The following CNTNAP2 variants were observed in gnomAD, a reference collection of about 807,000 sequenced individuals.
The protein encoded by CNTNAP2 is contactin-associated protein-like 2.
In CNTNAP2, 98 loss-of-function variants were observed where a neutral mutation model predicts 155.2. The ratio of observed to expected loss-of-function variants is 0.63; its 90% CI spans 0.54 to 0.75. The LOEUF is 0.75. Ranked by LOEUF, CNTNAP2 falls within the 30% of genes least tolerant of loss-of-function variation. The pLI is 0.00. For synonymous variants in CNTNAP2, 651 were observed against 631.2 expected, an observed-to-expected ratio of 1.03 and a Z score of -0.47; for missense variants, 1,727 against 1,688.1, an observed-to-expected ratio of 1.02 and a Z score of -0.40.
chr7:147,571,277 C>A (rs1226139560), intron 12 of CNTNAP2, among the ~76,000 whole-genome samples: 1 of 113,152 alleles, frequency 8.8e-6, no homozygotes, highest in African/African-American at 3.4e-5. Flanking sequence ...CCCCTCCCCC[C>A]ACCCCACAAC....
intron 12 of CNTNAP2, among the ~76,000 whole-genome samples, chr7:147,600,768 C>T (rs910743784): frequency 3.3e-5 from 5 of 151,876 alleles, no homozygotes; most frequent in Non-Finnish European, 7.4e-5. Context: ...CTTTCCTTTT[C>T]TTCCTTCCCC....
intron 18 of CNTNAP2, among the ~76,000 whole-genome samples, chr7:148,198,460 G>A (rs529043440): frequency 5.4e-4 from 82 of 152,272 alleles, no homozygotes; most frequent in Non-Finnish European, 8.2e-4. Context: ...GCTTCATGGG[G>A]ATTTTTCCTA....
intron 21 of CNTNAP2, among the ~76,000 whole-genome samples, chr7:148,371,170 C>T (rs1161318068): frequency 2.6e-5 from 4 of 152,032 alleles, no homozygotes; most frequent in African/African-American, 9.7e-5. Flanking sequence ...AACAAAAATA[C>T]CAGAGTCCTG....
chr7:146,661,997 T>C (rs562801114), intron 1 of CNTNAP2, among the ~76,000 whole-genome samples: 18 of 152,202 alleles, frequency 1.2e-4, no homozygotes, highest in Non-Finnish European at 2.5e-4. Flanking sequence ...GCCATTTTCA[T>C]AGGTGTAGTG....
intron 15 of CNTNAP2, among the ~76,000 whole-genome samples, chr7:148,114,559 G>A (rs151209687): frequency 1.8e-4 from 28 of 152,204 alleles, no homozygotes; most frequent in East Asian, 1.2e-3. Context: ...ATCCAGAAGC[G>A]CTATCAGCAC....
intron 10 of CNTNAP2, among the ~76,000 whole-genome samples, chr7:147,477,923 A>C (rs1471037541): frequency 6.6e-6 from 1 of 152,204 alleles, no homozygotes; most frequent in African/African-American, 2.4e-5. Flanking sequence ...GTAATAATTA[A>C]TACATTTTGC....
intron 1 of CNTNAP2, among the ~76,000 whole-genome samples, chr7:146,623,919 T>A (rs1186872340): frequency 6.6e-6 from 1 of 152,304 alleles, no homozygotes; most frequent in Non-Finnish European, 1.5e-5. Flanking sequence ...TCACTGAGAA[T>A]AATATTCTTA....
At chr7:147,462,865 G>A (rs1276260233) in intron 10 of CNTNAP2, among the ~76,000 whole-genome samples, 1 of 152,128 alleles carries the variant, frequency 6.6e-6, no homozygotes, top group African/African-American at 2.4e-5. Flanking sequence ...TGCAAGCTCC[G>A]CCTCCCGGGT....
chr7:146,706,594 G>T (rs749477589), intron 1 of CNTNAP2, among the ~76,000 whole-genome samples: 3 of 152,090 alleles, frequency 2.0e-5, no homozygotes, highest in Non-Finnish European at 4.4e-5. Context: ...CCATAAAAAA[G>T]GATGAGATTA....
intron 16 of CNTNAP2, among the ~76,000 whole-genome samples, chr7:148,129,349 A>G (rs1804778427): frequency 6.6e-6 from 1 of 152,210 alleles, no homozygotes; most frequent in South Asian, 2.1e-4. Flanking sequence ...CGATGCTCGA[A>G]AATAACCTAA....
At chr7:146,371,815 T>C (rs1189519475) in intron 1 of CNTNAP2, among the ~76,000 whole-genome samples, 2 of 151,904 alleles carry the variant, frequency 1.3e-5, no homozygotes, top group Non-Finnish European at 2.9e-5. Context: ...AAAAATTAGC[T>C]GTGCATAGTG....
intron 13 of CNTNAP2, among the ~76,000 whole-genome samples, chr7:147,769,911 G>A (rs1269224205): frequency 6.6e-6 from 1 of 152,136 alleles, no homozygotes; most frequent in East Asian, 1.9e-4. Flanking sequence ...GATTAAATAA[G>A]CTAGTACACG....
chr7:147,591,406 G>C (rs1225119234), intron 12 of CNTNAP2, among the ~76,000 whole-genome samples: 1 of 152,030 alleles, frequency 6.6e-6, no homozygotes, highest in African/African-American at 2.4e-5. Context: ...TTAGATGAAG[G>C]CTCACCTTCC....
intron 1 of CNTNAP2, among the ~76,000 whole-genome samples, chr7:146,175,230 C>T (rs901213275): frequency 2.0e-5 from 3 of 151,892 alleles, no homozygotes; most frequent in East Asian, 3.9e-4. Context: ...TAATTTGAAT[C>T]GATAAGGAGG....
intron 1 of CNTNAP2, among the ~76,000 whole-genome samples, chr7:146,305,960 T>C (rs1170372161): frequency 6.6e-6 from 1 of 152,052 alleles, no homozygotes. Flanking sequence ...ATCCAGGAGC[T>C]GGTTTTTTGA....
chr7:147,383,388 A>G lies in CNTNAP2; in HGVS notation c.1499-12221A>G, dbSNP rs138869021. Among the ~76,000 whole-genome samples, 105 of 152,330 alleles carry G rather than the reference A, an allele frequency of 6.9e-4. 1 individual carries two copies. In the East Asian group the frequency reaches 0.018, roughly 26 times the overall value. ...ACCTTGTATCTTGATCTTCTCTCTG[A>G]TATCATATGGATTGTTTTAGATAAG... On this transcript the variant is annotated intron_variant, in intron 9 of 23. Transcript: ENST00000361727.
chr7:146,958,054 T>C (rs1358096043), intron 3 of CNTNAP2, among the ~76,000 whole-genome samples: 1 of 152,128 alleles, frequency 6.6e-6, no homozygotes, highest in African/African-American at 2.4e-5. Context: ...ATTCTTGAAA[T>C]TGTCTATTCA....
chr7:147,761,908 A>G (rs577689433), intron 13 of CNTNAP2, among the ~76,000 whole-genome samples: 1 of 152,246 alleles, frequency 6.6e-6, no homozygotes, highest in Non-Finnish European at 1.5e-5. Context: ...GGCTATGTTT[A>G]TGGGCTATGG....
intron 1 of CNTNAP2, among the ~76,000 whole-genome samples, chr7:146,470,899 G>T (rs1049900198): frequency 1.3e-5 from 2 of 151,882 alleles, no homozygotes; most frequent in African/African-American, 4.8e-5. Flanking sequence ...TGAATCCCAT[G>T]TATCTATTTT....
Sources: gnomAD v4.1 joint callset for allele counts (sites outside exome capture counted in the v4.1 genomes callset) on GRCh38, gnomAD v4.1.1 for gene constraint, MANE v1.5 for transcripts, NCBI Gene and HGNC (gene_info 2026-07-23, HGNC 2026-07-21) for gene names.